Variants in NXPH2 observed in about 807,000 individuals in gnomAD.
NXPH2 encodes the protein neurexophilin 2.
Under a neutral mutation model 19.8 loss-of-function variants are expected in NXPH2, and 5 were observed. The ratio of observed to expected loss-of-function variants is 0.25; its 90% CI spans 0.13 to 0.53. The LOEUF is 0.53. Ranked by LOEUF, NXPH2 falls within the 20% of genes least tolerant of loss-of-function variation. The pLI is 0.96. For missense variants in NXPH2, 289 were observed against 322.8 expected, an observed-to-expected ratio of 0.90 and a Z score of 0.80; for synonymous variants, 154 against 127.4, an observed-to-expected ratio of 1.21 and a Z score of -1.41.
chr2:138,758,391 C>T (rs1041776131), intron 1 of NXPH2, among the ~76,000 whole-genome samples: 4 of 152,134 alleles, frequency 2.6e-5, no homozygotes, highest in African/African-American at 7.2e-5. Context: ...CTAAGCATAA[C>T]TGAAAGTTCA....
intron 1 of NXPH2, among the ~76,000 whole-genome samples, chr2:138,707,912 G>T (rs1681042183): frequency 6.6e-6 from 1 of 152,096 alleles, no homozygotes; most frequent in Non-Finnish European, 1.5e-5. Context: ...AGTAAGACTT[G>T]TGTCTGCCCT....
At chr2:138,759,875 A>G (rs1428100582) in intron 1 of NXPH2, among the ~76,000 whole-genome samples, 1 of 151,642 alleles carries the variant, frequency 6.6e-6, no homozygotes, top group African/African-American at 2.4e-5. Flanking sequence ...GACTATAGGC[A>G]CCTGCCACCA....
chr2:138,689,815 C>G lies in NXPH2; in HGVS notation c.52-18150G>C, dbSNP rs72986880. Among the ~76,000 whole-genome samples, 787 of 152,272 alleles carry G rather than the reference C, an allele frequency of 5.2e-3. 7 individuals carry two copies. Among genetic ancestry groups the G allele is most frequent in the African/African-American group, 0.015 (609 of 41,552 alleles). On this transcript the variant is annotated intron_variant, in intron 1 of 1. Coordinates refer to ENST00000272641, the MANE Select transcript of NXPH2 (RefSeq NM_007226.3). The stretch of plus-strand genomic sequence containing the variant: ...GTACAGAGAAATATCAAGACATGAA[C>G]TCATCGACTTGCTGATTAAACAGTT...
chr2:138,736,452 C>T (rs373968373), intron 1 of NXPH2, among the ~76,000 whole-genome samples: 96 of 152,340 alleles, frequency 6.3e-4, no homozygotes, highest in Middle Eastern at 6.8e-3. Context: ...TTGACCCTGT[C>T]AGCCACAGCT....
chr2:138,754,054 A>C (rs1681864830), intron 1 of NXPH2, among the ~76,000 whole-genome samples: 4 of 151,672 alleles, frequency 2.6e-5, no homozygotes. Flanking sequence ...CTGGACTCAC[A>C]CTCCTGGGCT....
At chr2:138,746,349 AG>A (rs1336045541) in intron 1 of NXPH2, among the ~76,000 whole-genome samples, 1 of 152,222 alleles carries the variant, frequency 6.6e-6, no homozygotes, top group Non-Finnish European at 1.5e-5. Context: ...GTGAAGCGGC[AG>A]TTCACTTTGC....
intron 1 of NXPH2, among the ~76,000 whole-genome samples, chr2:138,746,621 T>A (rs1366099294): frequency 6.6e-6 from 1 of 152,186 alleles, no homozygotes; most frequent in African/African-American, 2.4e-5. Context: ...TAATATTTCT[T>A]GTAAATGAAA....
chr2:138,731,781 A>T (rs146633148), intron 1 of NXPH2, among the ~76,000 whole-genome samples: 1 of 152,182 alleles, frequency 6.6e-6, no homozygotes, highest in Non-Finnish European at 1.5e-5. Flanking sequence ...CCATTGGACC[A>T]GCACAAGCAG....
At chr2:138,734,106 A>AT in intron 1 of NXPH2, among the ~76,000 whole-genome samples, 1 of 152,122 alleles carries the variant, frequency 6.6e-6, no homozygotes, top group Non-Finnish European at 1.5e-5. Flanking sequence ...TTAGCCAGGC[A>AT]TCATGTTGGG....
At chr2:138,689,793 C>A (rs962330899) in intron 1 of NXPH2, among the ~76,000 whole-genome samples, 1 of 152,068 alleles carries the variant, frequency 6.6e-6, no homozygotes, top group African/African-American at 2.4e-5. Flanking sequence ...TCTTTATGTA[C>A]AGAGAAATAT....
intron 1 of NXPH2, among the ~76,000 whole-genome samples, chr2:138,688,350 T>G (rs1198461802): frequency 1.3e-5 from 2 of 152,124 alleles, no homozygotes; most frequent in Non-Finnish European, 1.5e-5. Flanking sequence ...CGCCTAACTT[T>G]TTGTATTTTT....
intron 1 of NXPH2, among the ~76,000 whole-genome samples, chr2:138,730,585 C>T (rs945512790): frequency 2.6e-5 from 4 of 152,098 alleles, no homozygotes; most frequent in African/African-American, 9.7e-5. Flanking sequence ...CAGCCCAGGG[C>T]AGAGACCATT....
At position 138,671,277 on chromosome 2, in the gene NXPH2, C is replaced by T. The variant is rs780355942; in HGVS notation, c.440G>A (p.Arg147Gln). ...HGNGTFSVYF[R>Q]HNSTGLGNVS... ...ATTGCCCAGGCCTGTTGAATTATGT[C>T]GGAAATACACACTGAAGGTTCCATT... The change falls in exon 2 of 2, where the codon CGA (arginine) becomes CAA (glutamine). Residue 147 changes from arginine to glutamine, a missense_variant. Transcript: ENST00000272641. 1.2e-6 allele frequency: 2 copies of T among 1,613,772 alleles called. No homozygotes were observed. The highest frequency in any genetic ancestry group is 2.2e-5 in the East Asian group (1 of 44,878).
At chr2:138,680,463 C>T (rs1382383373) in intron 1 of NXPH2, among the ~76,000 whole-genome samples, 1 of 152,180 alleles carries the variant, frequency 6.6e-6, no homozygotes, top group Admixed American at 6.5e-5. Context: ...CAGGAGCCCA[C>T]ATTTGTGCTG....
At chr2:138,718,798 T>C (rs1001466042) in intron 1 of NXPH2, among the ~76,000 whole-genome samples, 2 of 152,232 alleles carry the variant, frequency 1.3e-5, no homozygotes, top group African/African-American at 4.8e-5. Context: ...AATGCCTTTT[T>C]AAAGTTGGTT....
chr2:138,682,846 T>C (rs539241457), intron 1 of NXPH2, among the ~76,000 whole-genome samples: 2 of 152,296 alleles, frequency 1.3e-5, no homozygotes, highest in East Asian at 1.9e-4. Flanking sequence ...CACCAACCTC[T>C]GCAAAAAATT....
Position 138,753,970 on chromosome 2 carries a change from A to G in NXPH2, c.51+26221T>C, listed in dbSNP as rs141973071. Among the ~76,000 whole-genome samples, 10 of 152,076 alleles carry G rather than the reference A, an allele frequency of 6.6e-5. No individual in the cohort carries two copies. The East Asian group carries it at 1.7e-3, about 26-fold the overall frequency. ...GATCAGGAAACATCACCCCCTCCCTATCCTCTTCAGTGAGGTTATTTCAAT... is the reference window on the plus strand; with the variant it reads ...GATCAGGAAACATCACCCCCTCCCTGTCCTCTTCAGTGAGGTTATTTCAAT... On this transcript the variant is annotated intron_variant, in intron 1 of 1. Transcript: ENST00000272641.
intron 1 of NXPH2, among the ~76,000 whole-genome samples, chr2:138,721,108 G>C (rs6720373): frequency 0.24 from 36,203 of 152,078 alleles, 5,077 homozygotes; most frequent in East Asian, 0.53. Flanking sequence ...TTGGGAGGCC[G>C]AGGTGGGTGG....
chr2:138,758,999 T>C (rs1018658184), intron 1 of NXPH2, among the ~76,000 whole-genome samples: 1 of 152,206 alleles, frequency 6.6e-6, no homozygotes, highest in African/African-American at 2.4e-5. Flanking sequence ...AAGCAATTTG[T>C]GACCAGGTAT....
Sources: allele counts gnomAD v4.1 joint callset (sites outside exome capture counted in the v4.1 genomes callset), GRCh38; gene constraint gnomAD v4.1.1; transcripts MANE v1.5; gene names NCBI Gene and HGNC (gene_info 2026-07-23, HGNC 2026-07-21).